Variants in PER3 observed in about 807,000 individuals in gnomAD.
The protein encoded by PER3 is period circadian protein homolog 3.
In PER3, 107 loss-of-function variants were observed where a neutral mutation model predicts 127.2. That is an observed-to-expected ratio of 0.84 (90% CI 0.72 to 0.99). PER3 has a LOEUF of 0.99. PER3 is among the 50% of genes least tolerant of loss of function. The pLI, the probability that PER3 is intolerant of heterozygous loss-of-function variation, is 0.00. For synonymous variants in PER3, 618 were observed against 585.8 expected (o/e 1.05, Z -0.79); for missense variants, 1,560 against 1,525.8 (o/e 1.02, Z -0.37).
chr1:7,818,568 T>A (rs1336982462), intron 13 of PER3, among the ~76,000 whole-genome samples: 1 of 152,214 alleles, frequency 6.6e-6, no homozygotes, highest in African/African-American at 2.4e-5. Flanking sequence ...TTTTTCAGTC[T>A]CCTTTATTGG....
At chr1:7,789,927 AT>A (rs2097111202) in intron 5 of PER3, among the ~76,000 whole-genome samples, 1 of 151,996 alleles carries the variant, frequency 6.6e-6, no homozygotes, top group South Asian at 2.1e-4. Context: ...CTAAATACAC[AT>A]TTTCAACCTT....
chr1:7,842,660 TC>T lies in PER3; in HGVS notation c.3550-11del. 6.2e-7 allele frequency: 1 copy of T among 1,613,110 alleles called. No homozygotes were observed. Reference sequence around the variant, plus strand: ...ACATCAAGTAACTCGCCTGCTTTGTTCTTTTTTGGAGGCCTGTGTCACTTGT... The same window carrying T: ...ACATCAAGTAACTCGCCTGCTTTGTTTTTTTTGGAGGCCTGTGTCACTTGT... On this transcript the variant is annotated splice_polypyrimidine_tract_variant and intron_variant, in intron 21 of 21. Transcript: ENST00000377532.
chr1:7,835,985 G>T, intron 20 of PER3, 40 bp downstream of exon 20: 1 of 1,411,310 alleles, frequency 7.1e-7, no homozygotes, highest in Non-Finnish European at 9.8e-7. Flanking sequence ...TTATATTTTT[G>T]TGGTTTCTTT....
chr1:7,816,709 C>CA (rs2097253362), intron 13 of PER3, among the ~76,000 whole-genome samples: 1 of 152,214 alleles, frequency 6.6e-6, no homozygotes, highest in Non-Finnish European at 1.5e-5. Context: ...CCAGAGCACT[C>CA]ACCTATTGTT....
intron 16 of PER3, among the ~76,000 whole-genome samples, chr1:7,822,907 A>G (rs1406023936): frequency 6.6e-6 from 1 of 152,070 alleles, no homozygotes; most frequent in African/African-American, 2.4e-5. Flanking sequence ...AAAAATGTTT[A>G]AATTAGCCAA....
rs760426052 is a variant in PER3, at chr1:7,826,496, C to T, written c.1974C>T (p.Leu658=). The change falls in exon 17 of 22, where the codon CTC becomes CTT. Residue 658 remains leucine (L), a synonymous_variant. Transcript: ENST00000377532. The surrounding 1 kb of genome is among the most constrained non-coding windows in gnomAD (Gnocchi z 4.2). The part of the protein sequence containing the change: ...PPPETARDAT[L]FCEPWTLNMQ... ...CCACCTCAGCCAGGGATGCTACCCT[C>T]TTCTGTGAGCCCTGGACCCTGAACA... 6.2e-7 allele frequency: 1 copy of T among 1,610,270 alleles called. No individual in the cohort carries two copies. Among genetic ancestry groups the T allele is most frequent in the Admixed American group, 1.7e-5 (1 of 60,034 alleles).
chr1:7,826,137 A>AT lies in PER3; in HGVS notation c.1958-338dup, dbSNP rs1252206063. Among the ~76,000 whole-genome samples, 1 of 152,330 alleles carries AT rather than the reference A, an allele frequency of 6.6e-6. No individual in the cohort carries two copies. The highest frequency in any genetic ancestry group is 1.9e-4 in the East Asian group (1 of 5,190). On this transcript the variant is annotated intron_variant, in intron 16 of 21. Coordinates refer to ENST00000377532, the MANE Select transcript of PER3 (RefSeq NM_001377275.1). The surrounding 1 kb of genome is among the most constrained non-coding windows in gnomAD (Gnocchi z 4.2). The stretch of plus-strand genomic sequence containing the variant: ...TACATGTCTTTATTAATACTTCCTG[A>AT]TTTTTGAACCACATGAATATATTAC...
At position 7,785,512 on chromosome 1, in the gene PER3, C is replaced by T. The variant is rs369078241; in HGVS notation, c.200C>T (p.Pro67Leu). ...MVVQEMKKYF[P>L]SERRNKPSTL... The stretch of plus-strand genomic sequence containing the variant: ...GTCCAAGAAATGAAAAAATACTTCC[C>T]CTCGGAGAGACGCAATAAACCAAGC... The change falls in exon 3 of 22, where the codon CCC (proline) becomes CTC (leucine). Residue 67 changes from proline (P) to leucine (L), a missense_variant. This residue lies in a region of PER3 where 1,332 missense variants were observed against 1,223.6 expected (regional missense o/e 1.09). Coordinates refer to ENST00000377532, the MANE Select transcript of PER3 (RefSeq NM_001377275.1). 20 of 1,611,244 alleles carry T rather than the reference C, an allele frequency of 1.2e-5. No homozygotes were observed. The highest frequency in any genetic ancestry group is 1.6e-4 in the Middle Eastern group (1 of 6,072).
intron 13 of PER3, among the ~76,000 whole-genome samples, chr1:7,815,230 A>G (rs548109494): frequency 4.6e-5 from 7 of 152,376 alleles, no homozygotes; most frequent in Non-Finnish European, 8.8e-5. Flanking sequence ...TATGAATCAT[A>G]TTCAATCCAG....
intron 16 of PER3, among the ~76,000 whole-genome samples, chr1:7,824,465 G>T (rs61773390): frequency 0.16 from 23,865 of 151,752 alleles, 2,121 homozygotes; most frequent in Admixed American, 0.19. Flanking sequence ...AGATTGCTTT[G>T]ACTGTTAGGT....
At chr1:7,823,694 C>T (rs1455751562) in intron 16 of PER3, among the ~76,000 whole-genome samples, 2 of 151,746 alleles carry the variant, frequency 1.3e-5, no homozygotes, top group Non-Finnish European at 2.9e-5. Context: ...ATAGACTTTC[C>T]ATAATTATAT....
At chr1:7,831,172 C>A (rs757942097) in intron 19 of PER3, among the ~76,000 whole-genome samples, 1 of 152,188 alleles carries the variant, frequency 6.6e-6, no homozygotes, top group African/African-American at 2.4e-5. Flanking sequence ...ACAACCCTTA[C>A]ATATATTTTG....
chr1:7,837,766 T>C (rs935060137), intron 21 of PER3, among the ~76,000 whole-genome samples: 30 of 152,014 alleles, frequency 2.0e-4, no homozygotes, highest in Admixed American at 3.9e-4. Context: ...ATATGGGAGG[T>C]TGAAGAGTCA....
chr1:7,823,297 C>T (rs2097285984), intron 16 of PER3, among the ~76,000 whole-genome samples: 1 of 152,098 alleles, frequency 6.6e-6, no homozygotes, highest in African/African-American at 2.4e-5. Flanking sequence ...GTGGTCAATT[C>T]ATCAGGAAGA....
At chr1:7,818,626 T>C (rs975102811) in intron 13 of PER3, among the ~76,000 whole-genome samples, 1 of 152,248 alleles carries the variant, frequency 6.6e-6, no homozygotes, top group African/African-American at 2.4e-5. Context: ...CTGGAGGTTT[T>C]TTCTTCTCTC....
intron 10 of PER3, among the ~76,000 whole-genome samples, chr1:7,806,148 G>T (rs2097191547): frequency 6.6e-6 from 1 of 152,182 alleles, no homozygotes; most frequent in Non-Finnish European, 1.5e-5. Context: ...TATAACTAGA[G>T]TTTGGTAAGT....
chr1:7,798,503 C>T, intron 6 of PER3, 22 bp from the exon 7 acceptor site: 2 of 1,607,224 alleles, frequency 1.2e-6, no homozygotes, highest in Non-Finnish European at 1.7e-6. Context: ...AGGACCAGCA[C>T]TAATATCTTT....
Position 7,784,724 on chromosome 1 carries a change from G to T in PER3, c.-154G>T. The T allele has an allele frequency of 1.4e-6, 1 of 708,392 alleles. No homozygotes were observed. The highest frequency in any genetic ancestry group is 2.1e-6 in the Non-Finnish European group (1 of 478,246). 43.9% of individuals were successfully genotyped at this position (708,392 alleles called of 1,614,324 possible). A position where few individuals can be genotyped will look rare whatever the true frequency, so the allele number is the denominator to read the frequency against. On this transcript the variant is annotated 5_prime_UTR_variant, in exon 2 of 22. Coordinates refer to ENST00000377532, the MANE Select transcript of PER3 (RefSeq NM_001377275.1). ...GGAGGGAAAAGCTCCTCGGAGATGA[G>T]CGTGACCCCCTGGCTCGTGGTGGCC...
At chr1:7,824,672 A>C (rs2097293126) in intron 16 of PER3, among the ~76,000 whole-genome samples, 1 of 152,164 alleles carries the variant, frequency 6.6e-6, no homozygotes, top group Non-Finnish European at 1.5e-5. Flanking sequence ...GTTACCTGTA[A>C]ACAGATTGAT....
Sources: allele counts gnomAD v4.1 joint callset (sites outside exome capture counted in the v4.1 genomes callset), GRCh38; gene constraint gnomAD v4.1.1; regional missense constraint gnomAD v4.1.1; non-coding constraint Gnocchi (gnomAD v3.1); transcripts MANE v1.5; gene names NCBI Gene and HGNC (gene_info 2026-07-23, HGNC 2026-07-21).